PLCB1: variants seen among roughly 807,000 people sequenced by gnomAD.
PLCB1 encodes 1-phosphatidylinositol 4,5-bisphosphate phosphodiesterase beta-1.
A neutral mutation model predicts 161.8 loss-of-function variants in PLCB1; 46 were observed. The observed-to-expected ratio is 0.28, with a 90% CI of 0.22 to 0.36. The LOEUF (loss-of-function observed/expected upper bound fraction) is 0.36. PLCB1 is among the 10% of genes least tolerant of loss of function. The probability of loss-of-function intolerance (pLI) is 1.00; values close to 1 mark genes in which losing one functional copy is unlikely to be tolerated. For missense variants in PLCB1, 1,016 were observed against 1,472.5 expected, an observed-to-expected ratio of 0.69 and a Z score of 5.07; for synonymous variants, 517 against 503.7, an observed-to-expected ratio of 1.03 and a Z score of -0.35.
At chr20:8,728,384 C>A (rs1980055084) in intron 17 of PLCB1, among the ~76,000 whole-genome samples, 1 of 151,918 alleles carries the variant, frequency 6.6e-6, no homozygotes, top group South Asian at 2.1e-4. Context: ...TAGCATGGTC[C>A]AACAACTACA....
intron 31 of PLCB1, among the ~76,000 whole-genome samples, chr20:8,823,847 A>G (rs1009217501): frequency 1.3e-5 from 2 of 152,068 alleles, no homozygotes; most frequent in East Asian, 3.9e-4. Context: ...GATCTTACAC[A>G]TTCTAAATAC....
chr20:8,674,747 T>C (rs2123371370), intron 9 of PLCB1, among the ~76,000 whole-genome samples: 1 of 152,234 alleles, frequency 6.6e-6, no homozygotes, highest in South Asian at 2.1e-4. Flanking sequence ...GAAGCCTCGG[T>C]ATGAGAATGT....
intron 3 of PLCB1, among the ~76,000 whole-genome samples, chr20:8,382,134 G>C (rs1987273100): frequency 6.6e-6 from 1 of 152,114 alleles, no homozygotes; most frequent in Admixed American, 6.5e-5. Flanking sequence ...CTGTGTCCCA[G>C]AGATTCTGAT....
At chr20:8,736,082 T>C (rs1194110508) in intron 19 of PLCB1, among the ~76,000 whole-genome samples, 1 of 152,212 alleles carries the variant, frequency 6.6e-6, no homozygotes, top group Non-Finnish European at 1.5e-5. Context: ...AATCTGGAGC[T>C]CAGAAAGTTC....
intron 2 of PLCB1, among the ~76,000 whole-genome samples, chr20:8,287,695 TCAA>T (rs1983188275): frequency 6.6e-6 from 1 of 152,154 alleles, no homozygotes; most frequent in Admixed American, 6.5e-5. Context: ...GTTCATTACC[TCAA>T]CGTCACCTAC....
intron 2 of PLCB1, among the ~76,000 whole-genome samples, chr20:8,276,986 C>CTTCGTATTATTA: frequency 1.1e-5 from 1 of 93,350 alleles, no homozygotes; most frequent in Non-Finnish European, 2.0e-5. Flanking sequence ...TCTTCTTCTT[C>CTTCGTATTATTA]TTATTATTAT....
intron 11 of PLCB1, among the ~76,000 whole-genome samples, chr20:8,706,344 G>A (rs1978672009): frequency 1.3e-5 from 2 of 152,186 alleles, no homozygotes; most frequent in African/African-American, 2.4e-5. Context: ...CCAAAGGAAG[G>A]GGGAAGCAAA....
At chr20:8,446,534 A>G (rs189024877) in intron 3 of PLCB1, among the ~76,000 whole-genome samples, 355 of 152,338 alleles carry the variant, frequency 2.3e-3, no homozygotes, top group African/African-American at 8.3e-3. Flanking sequence ...CTCCTATTCA[A>G]CATAGTGTTG....
intron 3 of PLCB1, among the ~76,000 whole-genome samples, chr20:8,517,590 C>T (rs1470858661): frequency 6.6e-6 from 1 of 152,158 alleles, no homozygotes; most frequent in East Asian, 1.9e-4. Flanking sequence ...CCCCAGTGAC[C>T]TCCACCTGGC....
chr20:8,819,365 C>G (rs6086606), intron 31 of PLCB1, among the ~76,000 whole-genome samples: 1 of 152,044 alleles, frequency 6.6e-6, no homozygotes, highest in Non-Finnish European at 1.5e-5. Flanking sequence ...AAAATCCTAT[C>G]TATGTGGTTT....
intron 31 of PLCB1, among the ~76,000 whole-genome samples, chr20:8,865,670 C>A (rs1987403730): frequency 6.6e-6 from 1 of 152,140 alleles, no homozygotes; most frequent in Admixed American, 6.6e-5. Context: ...CTCCATCATC[C>A]CCTAGGATCT....
At chr20:8,826,345 A>C (rs1156724720) in intron 31 of PLCB1, among the ~76,000 whole-genome samples, 1 of 152,012 alleles carries the variant, frequency 6.6e-6, no homozygotes, top group Non-Finnish European at 1.5e-5. Context: ...AATATAAAAA[A>C]TTAGGTGGGC....
intron 3 of PLCB1, among the ~76,000 whole-genome samples, chr20:8,390,411 A>G (rs34949260): frequency 0.14 from 20,683 of 152,134 alleles, 1,837 homozygotes; most frequent in Non-Finnish European, 0.19. Flanking sequence ...ACTATTGCTA[A>G]ATACTATTAC....
At chr20:8,574,651 A>G (rs903705813) in intron 3 of PLCB1, among the ~76,000 whole-genome samples, 3 of 150,918 alleles carry the variant, frequency 2.0e-5, no homozygotes, top group African/African-American at 7.5e-5. Context: ...AGCCATTACT[A>G]CTGTGGGCAA....
intron 3 of PLCB1, among the ~76,000 whole-genome samples, chr20:8,560,099 G>A (rs1279120090): frequency 6.6e-6 from 1 of 151,988 alleles, no homozygotes; most frequent in Non-Finnish European, 1.5e-5. Context: ...CCCCTGGGAG[G>A]CTGATAGAAA....
chr20:8,753,438 C>T (rs1981585164), intron 23 of PLCB1, among the ~76,000 whole-genome samples: 1 of 152,096 alleles, frequency 6.6e-6, no homozygotes, highest in Non-Finnish European at 1.5e-5. Flanking sequence ...TCATGAGGTC[C>T]CTGACAAGAG....
intron 31 of PLCB1, among the ~76,000 whole-genome samples, chr20:8,822,746 A>G (rs1985495944): frequency 6.6e-6 from 1 of 152,130 alleles, no homozygotes; most frequent in Admixed American, 6.5e-5. Flanking sequence ...AGCTGGGAAG[A>G]CCCCTCTGAG....
intron 31 of PLCB1, among the ~76,000 whole-genome samples, chr20:8,839,324 T>A (rs1400708884): frequency 7.2e-5 from 11 of 152,120 alleles, no homozygotes; most frequent in Non-Finnish European, 1.6e-4. Context: ...TTCTTTCAAT[T>A]TTTGGAGGCA....
chr20:8,734,771 TTAAC>T (rs1376538560), intron 19 of PLCB1, among the ~76,000 whole-genome samples: 1 of 152,118 alleles, frequency 6.6e-6, no homozygotes, highest in Non-Finnish European at 1.5e-5. Context: ...TGTTTTCTGT[TTAAC>T]TGAATAACTA....
Sources: gnomAD v4.1 joint callset for allele counts (sites outside exome capture counted in the v4.1 genomes callset) on GRCh38, gnomAD v4.1.1 for gene constraint, MANE v1.5 for transcripts, NCBI Gene and HGNC (gene_info 2026-07-23, HGNC 2026-07-21) for gene names.